PLPPR1: variants seen among roughly 807,000 people sequenced by gnomAD.
PLPPR1 encodes the protein phospholipid phosphatase related 1, also known as phospholipid phosphatase-related protein type 1.
A neutral mutation model predicts 33.1 loss-of-function variants in PLPPR1; 10 were observed. The ratio of observed to expected loss-of-function variants is 0.30; its 90% CI spans 0.19 to 0.51. The LOEUF (loss-of-function observed/expected upper bound fraction) is 0.51. Among genes scored for constraint, PLPPR1 ranks in the 20% least tolerant of loss-of-function variants. The probability of loss-of-function intolerance (pLI) is 0.97; values close to 1 mark genes in which losing one functional copy is unlikely to be tolerated. For missense variants in PLPPR1, 304 were observed against 408.1 expected, an observed-to-expected ratio of 0.74 and a Z score of 2.20; for synonymous variants, 151 against 151.0, an observed-to-expected ratio of 1.00 and a Z score of 0.00.
At chr9:101,184,905 T>G (rs992516227) in intron 1 of PLPPR1, 1 of 151,992 alleles carries the variant, frequency 6.6e-6, no homozygotes, top group East Asian at 1.9e-4. Flanking sequence ...GGTGACATAT[T>G]AACCTGAAGT....
At chr9:101,094,512 A>G (rs924448295) in intron 1 of PLPPR1, among the ~76,000 whole-genome samples, 7 of 152,180 alleles carry the variant, frequency 4.6e-5, no homozygotes, top group Non-Finnish European at 8.8e-5. Flanking sequence ...GTTTATAAAA[A>G]TCAGATTAGA....
At chr9:101,052,957 A>G (rs1830241449) in intron 1 of PLPPR1, among the ~76,000 whole-genome samples, 1 of 152,176 alleles carries the variant, frequency 6.6e-6, no homozygotes, top group Non-Finnish European at 1.5e-5. Context: ...GCTGCTGGTA[A>G]AAAGAAATTG....
chr9:101,256,245 ACAT>A (rs528999641), intron 2 of PLPPR1, among the ~76,000 whole-genome samples: 125 of 152,338 alleles, frequency 8.2e-4, no homozygotes, highest in Non-Finnish European at 1.5e-3. Flanking sequence ...TATGTGTTTT[ACAT>A]AATAATTGAT....
At chr9:101,172,022 C>T (rs117795642) in intron 1 of PLPPR1, among the ~76,000 whole-genome samples, 1,553 of 152,182 alleles carry the variant, frequency 0.01, 10 homozygotes, top group Middle Eastern at 0.02. Context: ...ACTGCCTTAC[C>T]TCCAATTAAG....
intron 1 of PLPPR1, chr9:101,125,750 A>G (rs550929138): frequency 1.6e-5 from 14 of 858,712 alleles, no homozygotes; most frequent in Non-Finnish European, 2.1e-5. Context: ...GTTATAATTG[A>G]TGACCACTGA....
intron 4 of PLPPR1, among the ~76,000 whole-genome samples, chr9:101,300,024 G>T (rs1181713978): frequency 6.6e-6 from 1 of 151,974 alleles, no homozygotes; most frequent in Non-Finnish European, 1.5e-5. Flanking sequence ...ATATTTCAAA[G>T]ACTTTTAAGA....
At chr9:101,320,102 G>T (rs995637399) in intron 7 of PLPPR1, among the ~76,000 whole-genome samples, 1 of 152,178 alleles carries the variant, frequency 6.6e-6, no homozygotes. Flanking sequence ...TTCAAAAAAT[G>T]CTATTCACAA....
chr9:101,170,792 T>C (rs1442496566), intron 1 of PLPPR1, among the ~76,000 whole-genome samples: 1 of 151,930 alleles, frequency 6.6e-6, no homozygotes, highest in Non-Finnish European at 1.5e-5. Context: ...TTAAAAAGGA[T>C]AGCTAGGCAT....
chr9:101,044,862 CT>C (rs1830126071), intron 1 of PLPPR1, among the ~76,000 whole-genome samples: 1 of 152,062 alleles, frequency 6.6e-6, no homozygotes, highest in African/African-American at 2.4e-5. Flanking sequence ...ATCTCTTTAC[CT>C]AATTTGCCCA....
At chr9:101,135,147 T>C (rs779299342) in intron 1 of PLPPR1, among the ~76,000 whole-genome samples, 14 of 152,206 alleles carry the variant, frequency 9.2e-5, no homozygotes, top group Non-Finnish European at 2.1e-4. Context: ...ACTGGGGAAA[T>C]TAGCTTGCTG....
At chr9:101,211,710 C>T (rs557873119) in intron 2 of PLPPR1, among the ~76,000 whole-genome samples, 2 of 152,166 alleles carry the variant, frequency 1.3e-5, no homozygotes, top group South Asian at 4.1e-4. Flanking sequence ...TTAATGGGCT[C>T]ATATGATGAA....
rs1010550477 is a variant in PLPPR1, at chr9:101,120,568, G to T, written c.-45-64882G>T. On this transcript the variant is annotated intron_variant, in intron 1 of 7. Coordinates refer to ENST00000374874, the MANE Select transcript of PLPPR1 (RefSeq NM_207299.2). ...GCAACAGGTGCAGTTGAATAAATGG[G>T]TGGGTATGTGTCTATAAGATAAGTG... Among the ~76,000 whole-genome samples, 6 of 152,168 alleles carry T rather than the reference G, an allele frequency of 3.9e-5. No homozygotes were observed. In the East Asian group the frequency reaches 1.2e-3, roughly 29 times the overall value.
chr9:101,046,605 A>G (rs1296627841), intron 1 of PLPPR1, among the ~76,000 whole-genome samples: 1 of 151,706 alleles, frequency 6.6e-6, no homozygotes, highest in Non-Finnish European at 1.5e-5. Flanking sequence ...ACGCCCAGCT[A>G]ATTTTTTTGT....
intron 1 of PLPPR1, among the ~76,000 whole-genome samples, chr9:101,031,455 G>A (rs1355449582): frequency 2.6e-5 from 4 of 152,154 alleles, no homozygotes; most frequent in African/African-American, 7.2e-5. Context: ...AAAGCAGGAT[G>A]GTTCTGTATT....
intron 2 of PLPPR1, among the ~76,000 whole-genome samples, chr9:101,252,356 T>C (rs565764287): frequency 6.6e-6 from 1 of 152,248 alleles, no homozygotes; most frequent in African/African-American, 2.4e-5. Context: ...TCTAGTATAA[T>C]TGGCTTCATT....
At chr9:101,288,653 A>T (rs1412317770) in intron 4 of PLPPR1, among the ~76,000 whole-genome samples, 1 of 152,176 alleles carries the variant, frequency 6.6e-6, no homozygotes, top group Non-Finnish European at 1.5e-5. Context: ...TCAAGTAAAA[A>T]ACCTGAGAGA....
At chr9:101,180,153 C>CAT (rs1377357283) in intron 1 of PLPPR1, among the ~76,000 whole-genome samples, 18 of 133,686 alleles carry the variant, frequency 1.3e-4, no homozygotes, top group East Asian at 8.4e-4. Context: ...TACACACACA[C>CAT]ACACACACAT....
chr9:101,290,161 T>A (rs1038130433), intron 4 of PLPPR1, among the ~76,000 whole-genome samples: 2 of 152,164 alleles, frequency 1.3e-5, no homozygotes, highest in Admixed American at 6.5e-5. Context: ...TTGGAAAAAA[T>A]TAGAGTAAAA....
chr9:101,241,540 C>T (rs1293278528), intron 2 of PLPPR1, among the ~76,000 whole-genome samples: 1 of 152,106 alleles, frequency 6.6e-6, no homozygotes, highest in Non-Finnish European at 1.5e-5. Flanking sequence ...GCTGGACAAG[C>T]TTGAGATAGA....
Sources: gnomAD v4.1 joint callset for allele counts (sites outside exome capture counted in the v4.1 genomes callset) on GRCh38, gnomAD v4.1.1 for gene constraint, MANE v1.5 for transcripts, NCBI Gene and HGNC (gene_info 2026-07-23, HGNC 2026-07-21) for gene names.